The following API5 variants were observed in gnomAD, a reference collection of about 807,000 sequenced individuals.
The protein encoded by API5 is apoptosis inhibitor 5, also known as FIF.
A neutral mutation model predicts 71.9 loss-of-function variants in API5; 6 were observed. That is an observed-to-expected ratio of 0.08 (90% CI 0.05 to 0.16). The LOEUF (loss-of-function observed/expected upper bound fraction) is 0.16, where lower values mean the gene tolerates loss of function less well. Ranked by LOEUF, API5 falls within the 10% of genes least tolerant of loss-of-function variation. The pLI, the probability that API5 is intolerant of heterozygous loss-of-function variation, is 1.00. For synonymous variants in API5, 189 were observed against 221.3 expected (o/e 0.85, Z 1.30); for missense variants, 332 against 612.8 (o/e 0.54, Z 4.84).
chr11:43,326,651 T>A, intron 7 of API5, 40 bp downstream of exon 7: 2 of 1,139,564 alleles, frequency 1.8e-6, no homozygotes, highest in African/African-American at 3.1e-5. Context: ...TAAGGCATTC[T>A]TATATTTTAA....
intron 11 of API5, chr11:43,331,142 A>G (rs1855239615): frequency 6.5e-6 from 1 of 152,990 alleles, no homozygotes; most frequent in South Asian, 2.1e-4. Flanking sequence ...AATTGGGACT[A>G]GTATGCCTTA....
intron 1 of API5, chr11:43,318,351 TTAA>T: frequency 2.2e-6 from 3 of 1,353,154 alleles, no homozygotes; most frequent in Non-Finnish European, 3.0e-6. Flanking sequence ...ATGGCCAGAG[TTAA>T]TAATCACTAG....
chr11:43,330,137 T>C, intron 10 of API5, 79 bp downstream of exon 10: 1 of 1,150,694 alleles, frequency 8.7e-7, no homozygotes, highest in South Asian at 1.3e-5. Context: ...GTTTTTCATT[T>C]TCCCTTATCT....
At chr11:43,332,281 T>G (rs921658829) in intron 11 of API5, among the ~76,000 whole-genome samples, 1 of 152,122 alleles carries the variant, frequency 6.6e-6, no homozygotes, top group Non-Finnish European at 1.5e-5. Context: ...CTGGGTGTCC[T>G]CCAATTCAGT....
chr11:43,327,991 T>C (rs978635610), intron 8 of API5, 113 bp downstream of exon 8: 1 of 578,124 alleles, frequency 1.7e-6, no homozygotes, highest in Non-Finnish European at 2.8e-6. Flanking sequence ...TAAACAATAA[T>C]CCTAATAAGT....
At chr11:43,328,935 T>G in intron 9 of API5, 42 bp downstream of exon 9, 2 of 1,603,244 alleles carry the variant, frequency 1.2e-6, no homozygotes, top group Non-Finnish European at 1.7e-6. Flanking sequence ...GCAAAGGTGG[T>G]AGCTATCCTG....
chr11:43,329,160 G>A lies in API5; in HGVS notation c.1127+267G>A, dbSNP rs1044077573. On this transcript the variant is annotated intron_variant, in intron 9 of 13. Coordinates refer to ENST00000531273, the MANE Select transcript of API5 (RefSeq NM_001142930.2). The stretch of plus-strand genomic sequence containing the variant: ...AGTTTGAGACCAGCTGGGCAACATA[G>A]TAAGATCCTGTCTCTATAAAAAATA... 8.2e-6 allele frequency: 3 copies of A among 363,754 alleles called. No individual in the cohort carries two copies. In the Admixed American group the frequency reaches 1.2e-4, roughly 14 times the overall value. 22.5% of individuals were successfully genotyped at this position (363,754 alleles called of 1,614,324 possible). A position where few individuals can be genotyped will look rare whatever the true frequency, so the allele number is the denominator to read the frequency against.
At chr11:43,330,100 ACC>A in intron 10 of API5, 42 bp downstream of exon 10, 1 of 1,489,824 alleles carries the variant, frequency 6.7e-7, no homozygotes, top group Non-Finnish European at 9.4e-7. Flanking sequence ...CTAGTTCCAT[ACC>A]AAACTATATA....
intron 7 of API5, among the ~76,000 whole-genome samples, chr11:43,327,240 T>G (rs1855105412): frequency 6.6e-6 from 1 of 152,212 alleles, no homozygotes; most frequent in South Asian, 2.1e-4. Flanking sequence ...TTGCTTCAAA[T>G]GTGCTGGGCT....
intron 1 of API5, 63 bp downstream of exon 1, chr11:43,312,259 C>A: frequency 6.5e-7 from 1 of 1,542,870 alleles, no homozygotes; most frequent in South Asian, 1.1e-5. Context: ...AAAGCGCTTC[C>A]CGCCGCACTC....
rs1036833229 is a variant in API5 at position 43,330,318 on chromosome 11, T to G, written c.1222-190T>G. 1.7e-5 allele frequency: 11 copies of G among 633,190 alleles called. No homozygotes were observed. The African/African-American group carries it at 1.9e-4, about 11-fold the overall frequency. The allele number at this position is 633,190 out of a possible 1,614,324, so 39.2% of individuals were successfully genotyped here. On this transcript the variant is annotated intron_variant, in intron 10 of 13. Transcript: ENST00000531273. ...GGGAACACAGATTATTTGCTTTCTT[T>G]GCTACATCTAGATTTGTTTAGAGTC... is the stretch of plus-strand genomic sequence containing the variant.
At chr11:43,312,764 G>C (rs1471601634) in intron 1 of API5, among the ~76,000 whole-genome samples, 1 of 152,100 alleles carries the variant, frequency 6.6e-6, no homozygotes, top group Non-Finnish European at 1.5e-5. Context: ...CAGATGGAAA[G>C]GTCCGCGCTC....
At chr11:43,339,481 G>C (rs953057240) in intron 13 of API5, 16 of 152,088 alleles carry the variant, frequency 1.1e-4, no homozygotes, top group East Asian at 1.9e-4. Flanking sequence ...TGATAACTTC[G>C]ATCAGTTTTC....
At position 43,319,426 on chromosome 11, in the gene API5, A is replaced by T. The variant is rs186595777; in HGVS notation, c.231+625A>T. On this transcript the variant is annotated intron_variant, in intron 2 of 13. Coordinates refer to ENST00000531273, the MANE Select transcript of API5 (RefSeq NM_001142930.2). Reference sequence around the variant, plus strand: ...GCAGAATTTGCTGGATATAAACCCTATACTTTTTTTGCTTTTTTAATAGAA... The same window carrying T: ...GCAGAATTTGCTGGATATAAACCCTTTACTTTTTTTGCTTTTTTAATAGAA... Among the ~76,000 whole-genome samples, 3 of 152,198 alleles carry T rather than the reference A, an allele frequency of 2.0e-5. No homozygotes were observed. The East Asian group carries it at 5.8e-4, about 29-fold the overall frequency.
At chr11:43,316,515 T>C (rs1381012958) in intron 1 of API5, among the ~76,000 whole-genome samples, 1 of 152,118 alleles carries the variant, frequency 6.6e-6, no homozygotes, top group African/African-American at 2.4e-5. Context: ...AGAACAAACT[T>C]TGATTTTATG....
intron 1 of API5, among the ~76,000 whole-genome samples, chr11:43,316,170 G>A (rs578078885): frequency 2.6e-5 from 4 of 152,100 alleles, no homozygotes; most frequent in Admixed American, 1.3e-4. Flanking sequence ...AACCAAGTTC[G>A]TAATCCCTCA....
chr11:43,329,922 TTGAAG>T, intron 9 of API5, 38 bp from the exon 10 acceptor site: 1 of 1,559,128 alleles, frequency 6.4e-7, no homozygotes, highest in Non-Finnish European at 8.8e-7. Flanking sequence ...AAAAACAAAA[TTGAAG>T]TGATGAATTG....
intron 1 of API5, among the ~76,000 whole-genome samples, chr11:43,313,779 A>G (rs145115333): frequency 6.6e-6 from 1 of 150,446 alleles, no homozygotes; most frequent in African/African-American, 2.4e-5. Context: ...TGAAGGAGGA[A>G]TATTCTGTTC....
intron 2 of API5, 144 bp downstream of exon 2, chr11:43,318,945 T>C: frequency 1.4e-6 from 1 of 715,986 alleles, no homozygotes; most frequent in South Asian, 2.4e-5. Context: ...CAGGCTTAAA[T>C]TTACATATGA....
Sources: gnomAD v4.1 joint callset for allele counts (sites outside exome capture counted in the v4.1 genomes callset) on GRCh38, gnomAD v4.1.1 for gene constraint, MANE v1.5 for transcripts, NCBI Gene and HGNC (gene_info 2026-07-23, HGNC 2026-07-21) for gene names.